SNX24: variants seen among roughly 807,000 people sequenced by gnomAD.
The protein encoded by SNX24 is sorting nexin 24.
A neutral mutation model predicts 28.7 loss-of-function variants in SNX24; 22 were observed. The ratio of observed to expected loss-of-function variants is 0.77; its 90% CI spans 0.55 to 1.10. The LOEUF (loss-of-function observed/expected upper bound fraction) is 1.10, where lower values mean the gene tolerates loss of function less well. SNX24 is among the 50% of genes least tolerant of loss of function. SNX24 has a pLI of 0.00. For synonymous variants in SNX24, 69 were observed against 71.5 expected (o/e 0.96, Z 0.18); for missense variants, 221 against 201.1 (o/e 1.10, Z -0.60).
Position 122,908,122 on chromosome 5 carries a change from G to T in SNX24, c.61-28612G>T, listed in dbSNP as rs12521963. ...TTGGTGCTGTAAGCACAAGTGGCAC[G>T]ATATAATGAAGTTGTATTCCATTAA... On this transcript the variant is annotated intron_variant, in intron 1 of 6. Coordinates refer to ENST00000261369, the MANE Select transcript of SNX24 (RefSeq NM_014035.4). Among the ~76,000 whole-genome samples the T allele has an allele frequency of 9.5e-3, 1,454 of 152,310 alleles. 76 individuals are homozygous for T. Among genetic ancestry groups the T allele is most frequent in the Admixed American group, 0.071 (1,080 of 15,296 alleles).
chr5:122,914,871 G>T (rs1758091138), intron 1 of SNX24, among the ~76,000 whole-genome samples: 1 of 152,122 alleles, frequency 6.6e-6, no homozygotes, highest in Non-Finnish European at 1.5e-5. Flanking sequence ...TTTGATGAGT[G>T]AGTTGAGAGA....
At chr5:122,909,191 G>C (rs1010466156) in intron 1 of SNX24, among the ~76,000 whole-genome samples, 2 of 152,128 alleles carry the variant, frequency 1.3e-5, no homozygotes, top group African/African-American at 4.8e-5. Flanking sequence ...AGCGAAAAAG[G>C]CATTCAGATA....
chr5:122,911,128 T>C (rs367665226), intron 1 of SNX24, among the ~76,000 whole-genome samples: 9 of 150,018 alleles, frequency 6.0e-5, no homozygotes, highest in South Asian at 2.1e-4. Context: ...TCTCCAGCAC[T>C]TGTTGTTTCC....
intron 1 of SNX24, among the ~76,000 whole-genome samples, chr5:122,867,521 A>G (rs1220520572): frequency 6.6e-6 from 1 of 152,036 alleles, no homozygotes; most frequent in East Asian, 1.9e-4. Flanking sequence ...CTCCTGGCAG[A>G]TTGGGTGCTC....
intron 1 of SNX24, among the ~76,000 whole-genome samples, chr5:122,866,874 G>T (rs1755744047): frequency 6.6e-6 from 1 of 152,170 alleles, no homozygotes; most frequent in African/African-American, 2.4e-5. Flanking sequence ...TCATTGTTGT[G>T]TCTCCTGATG....
chr5:122,952,483 C>T (rs576420124), intron 3 of SNX24, among the ~76,000 whole-genome samples: 3 of 152,292 alleles, frequency 2.0e-5, no homozygotes, highest in Non-Finnish European at 2.9e-5. Flanking sequence ...GCGCTCCACT[C>T]ATACGGTTTG....
At chr5:123,014,415 C>G (rs951276158) in intron 5 of SNX24, among the ~76,000 whole-genome samples, 1 of 131,916 alleles carries the variant, frequency 7.6e-6, no homozygotes, top group African/African-American at 2.9e-5. Flanking sequence ...CTCCTGGGCT[C>G]AAGCAATCCT....
chr5:123,018,671 A>G (rs539447702), intron 5 of SNX24, among the ~76,000 whole-genome samples: 22 of 152,078 alleles, frequency 1.4e-4, no homozygotes, highest in African/African-American at 5.3e-4. Context: ...TCTGCATCCT[A>G]ATCTAACTAG....
chr5:122,952,268 C>T (rs898809482), intron 3 of SNX24, among the ~76,000 whole-genome samples: 2 of 152,132 alleles, frequency 1.3e-5, no homozygotes, highest in African/African-American at 4.8e-5. Context: ...GCCTAGGCTA[C>T]TCATTCTATG....
intron 1 of SNX24, among the ~76,000 whole-genome samples, chr5:122,862,589 A>C (rs1755518182): frequency 6.7e-6 from 1 of 149,876 alleles, no homozygotes; most frequent in Admixed American, 6.6e-5. Flanking sequence ...GCAACAGAGC[A>C]AGACTCTGTC....
At chr5:122,891,486 T>C (rs971231926) in intron 1 of SNX24, among the ~76,000 whole-genome samples, 1 of 152,344 alleles carries the variant, frequency 6.6e-6, no homozygotes, top group African/African-American at 2.4e-5. Flanking sequence ...TTTTCTTTTA[T>C]TGAATTTTTT....
intron 3 of SNX24, among the ~76,000 whole-genome samples, chr5:122,990,968 C>T (rs535088974): frequency 2.0e-5 from 3 of 152,278 alleles, no homozygotes; most frequent in South Asian, 4.2e-4. Flanking sequence ...CCTATCTTGG[C>T]TTACTGCAGC....
intron 1 of SNX24, among the ~76,000 whole-genome samples, chr5:122,926,251 C>T (rs1340859666): frequency 6.6e-6 from 1 of 152,084 alleles, no homozygotes. Context: ...GGGAACGTGC[C>T]TATTATAGTT....
intron 1 of SNX24, among the ~76,000 whole-genome samples, chr5:122,882,630 A>C (rs1054928917): frequency 5.9e-5 from 9 of 152,352 alleles, no homozygotes; most frequent in African/African-American, 1.7e-4. Context: ...GTGGGGACAC[A>C]GTCATTTTTT....
At chr5:122,968,485 G>A (rs936327696) in intron 3 of SNX24, among the ~76,000 whole-genome samples, 1 of 152,206 alleles carries the variant, frequency 6.6e-6, no homozygotes, top group Admixed American at 6.5e-5. Context: ...GAACAACTGT[G>A]TGACATCAAG....
rs990388614 is a variant in SNX24, at chr5:122,964,646, A to G, written c.249+18487A>G. On this transcript the variant is annotated intron_variant, in intron 3 of 6. Transcript: ENST00000261369. The stretch of plus-strand genomic sequence containing the variant: ...GTTTTTAAATACTAACTTTTTTATT[A>G]TGGAAATTTTCAATATATAAAAAGT... Among the ~76,000 whole-genome samples the G allele has an allele frequency of 5.3e-5, 8 of 152,242 alleles. No individual in the cohort carries two copies. The South Asian group carries it at 1.7e-3, about 32-fold the overall frequency.
At chr5:122,845,883 G>C (rs1387616573) in intron 1 of SNX24, among the ~76,000 whole-genome samples, 190 bp downstream of exon 1, 1 of 151,820 alleles carries the variant, frequency 6.6e-6, no homozygotes, top group East Asian at 2.0e-4. Flanking sequence ...CCCGGGCACG[G>C]CGGCTGCGGG....
At chr5:122,872,188 A>G (rs1756010364) in intron 1 of SNX24, among the ~76,000 whole-genome samples, 1 of 151,276 alleles carries the variant, frequency 6.6e-6, no homozygotes, top group African/African-American at 2.4e-5. Context: ...AAGTTTTTAT[A>G]AAAGCAGTAT....
chr5:122,904,205 G>A (rs936659431), intron 1 of SNX24, among the ~76,000 whole-genome samples: 7 of 150,786 alleles, frequency 4.6e-5, no homozygotes, highest in African/African-American at 1.7e-4. Flanking sequence ...TTTTTGAGAT[G>A]GAGTTTCACT....
Sources: gnomAD v4.1 joint callset for allele counts (sites outside exome capture counted in the v4.1 genomes callset) on GRCh38, gnomAD v4.1.1 for gene constraint, MANE v1.5 for transcripts, NCBI Gene and HGNC (gene_info 2026-07-23, HGNC 2026-07-21) for gene names.